Variants in CMTM6 observed in about 807,000 individuals in gnomAD.
CMTM6 encodes CKLF-like MARVEL transmembrane domain-containing protein 6.
A neutral mutation model predicts 13.6 loss-of-function variants in CMTM6; 5 were observed. The ratio of observed to expected loss-of-function variants is 0.37; its 90% confidence interval spans 0.19 to 0.77. The LOEUF (loss-of-function observed/expected upper bound fraction) is 0.77, where lower values mean the gene tolerates loss of function less well. Ranked by LOEUF, CMTM6 falls within the 30% of genes least tolerant of loss-of-function variation. The probability of loss-of-function intolerance (pLI) is 0.50; values close to 1 mark genes in which losing one functional copy is unlikely to be tolerated. For synonymous variants in CMTM6, 99 were observed against 84.5 expected, an observed-to-expected ratio of 1.17 and a Z score of -0.94; for missense variants, 196 against 218.6, an observed-to-expected ratio of 0.90 and a Z score of 0.65.
At chr3:32,502,297 C>T (rs1484896124) in intron 1 of CMTM6, among the ~76,000 whole-genome samples, 1 of 152,192 alleles carries the variant, frequency 6.6e-6, no homozygotes, top group Admixed American at 6.5e-5. Context: ...AGGAAAGTCG[C>T]CATAGAGGAT....
intron 3 of CMTM6, among the ~76,000 whole-genome samples, chr3:32,484,553 A>G (rs1388472123): frequency 6.6e-6 from 1 of 152,254 alleles, no homozygotes; most frequent in Non-Finnish European, 1.5e-5. Flanking sequence ...TGAAGATACT[A>G]TTAGGTTAAA....
chr3:32,488,768 T>C (rs1397733857), intron 2 of CMTM6, among the ~76,000 whole-genome samples: 1 of 152,230 alleles, frequency 6.6e-6, no homozygotes, highest in African/African-American at 2.4e-5. Flanking sequence ...CTTATCATAA[T>C]GCAGCTTACA....
intron 2 of CMTM6, chr3:32,488,271 A>T (rs342765): frequency 0.56 from 163,180 of 289,514 alleles, 48,282 homozygotes; most frequent in African/African-American, 0.76. Flanking sequence ...TACAAGATAA[A>T]CTTTTAATAA....
At chr3:32,490,948 T>C (rs1324194808) in intron 2 of CMTM6, among the ~76,000 whole-genome samples, 1 of 152,186 alleles carries the variant, frequency 6.6e-6, no homozygotes, top group African/African-American at 2.4e-5. Flanking sequence ...CATATTAATC[T>C]GTAAAAAAGA....
chr3:32,495,576 C>T (rs1277277249), intron 1 of CMTM6, among the ~76,000 whole-genome samples: 2 of 152,150 alleles, frequency 1.3e-5, no homozygotes, highest in Non-Finnish European at 2.9e-5. Context: ...GAGAAGATAC[C>T]AGCCTAAAAC....
rs1486226693 is a variant in CMTM6, at chr3:32,483,918, T to G, written c.*42A>C. ...TTCTGCCAGGGCTCAGGCACCACAA[T>G]GCAGGGTCACTACCTTAGGTAACAT... On this transcript the variant is annotated 3_prime_UTR_variant, in exon 4 of 4. Coordinates refer to ENST00000205636, the MANE Select transcript of CMTM6 (RefSeq NM_017801.3). The G allele has an allele frequency of 6.6e-7, 1 of 1,520,012 alleles. No homozygotes were observed. The highest frequency in any genetic ancestry group is 1.3e-5 in the South Asian group (1 of 76,042). The allele number at this position is 1,520,012 out of a possible 1,614,324, so 94.2% of individuals were successfully genotyped here.
chr3:32,494,237 C>G (rs909350414), intron 1 of CMTM6, among the ~76,000 whole-genome samples: 12 of 152,214 alleles, frequency 7.9e-5, no homozygotes, highest in African/African-American at 9.6e-5. Context: ...TTTGTGGAAG[C>G]TGAGGGAATT....
At chr3:32,501,188 CAAAAA>C (rs545695553) in intron 1 of CMTM6, among the ~76,000 whole-genome samples, 4 of 58,402 alleles carry the variant, frequency 6.8e-5, no homozygotes, top group East Asian at 8.1e-4. Context: ...GACTCGGTCT[CAAAAA>C]AAAAAAAAAA....
At chr3:32,485,964 G>A (rs1027787917) in intron 3 of CMTM6, among the ~76,000 whole-genome samples, 2 of 152,132 alleles carry the variant, frequency 1.3e-5, no homozygotes, top group South Asian at 2.1e-4. Context: ...TGCAACCTCC[G>A]CCTCCTCGGT....
At chr3:32,485,248 C>T (rs1416610565) in intron 3 of CMTM6, among the ~76,000 whole-genome samples, 1 of 151,682 alleles carries the variant, frequency 6.6e-6, no homozygotes, top group Admixed American at 6.6e-5. Context: ...AAAAGAACTT[C>T]CTCATGCATT....
intron 1 of CMTM6, among the ~76,000 whole-genome samples, chr3:32,498,792 A>C (rs555322886): frequency 6.6e-6 from 1 of 151,564 alleles, no homozygotes; most frequent in Non-Finnish European, 1.5e-5. Flanking sequence ...GTTGGCCAGG[A>C]TGGTCTCTAT....
rs1257576909 is a variant in CMTM6, at chr3:32,491,839, A to G, written c.186T>C (p.Cys62=). Residue 62 remains cysteine, a synonymous_variant, in exon 2 of 4, where the codon TGT becomes TGC. Transcript: ENST00000205636. The part of the protein sequence containing the change: ...AFICEEVVSQ[C]TLCGGLYFFE... ...AAAAATAAAGTCCTCCACATAAAGT[A>G]CATTGTGATACAACTTCTTCACAGA... 3 of 1,613,096 alleles carry G rather than the reference A, an allele frequency of 1.9e-6. No homozygotes were observed. The highest frequency in any genetic ancestry group is 2.2e-5 in the East Asian group (1 of 44,868).
intron 1 of CMTM6, among the ~76,000 whole-genome samples, chr3:32,501,208 G>A (rs80139989): frequency 7.1e-6 from 1 of 140,230 alleles, no homozygotes; most frequent in Non-Finnish European, 1.5e-5. Context: ...AAAAAAAAAA[G>A]CTTCAGATGA....
intron 1 of CMTM6, among the ~76,000 whole-genome samples, chr3:32,495,134 T>C (rs544115448): frequency 6.6e-6 from 1 of 152,286 alleles, no homozygotes; most frequent in African/African-American, 2.4e-5. Context: ...CTACTGGCTA[T>C]ACAAAATGTA....
At chr3:32,492,517 C>T (rs1419322781) in intron 1 of CMTM6, among the ~76,000 whole-genome samples, 1 of 152,140 alleles carries the variant, frequency 6.6e-6, no homozygotes, top group Non-Finnish European at 1.5e-5. Context: ...TGACAATGAT[C>T]AGGTGTATGC....
chr3:32,500,105 A>G (rs946857826), intron 1 of CMTM6, among the ~76,000 whole-genome samples: 7 of 152,230 alleles, frequency 4.6e-5, no homozygotes, highest in Admixed American at 1.3e-4. Flanking sequence ...TAAGTGTACA[A>G]TATTTTGAAT....
chr3:32,491,984 C>G, intron 1 of CMTM6, 98 bp from the exon 2 acceptor site: 1 of 1,022,422 alleles, frequency 9.8e-7, no homozygotes, highest in Non-Finnish European at 1.4e-6. Flanking sequence ...CAAATATTTA[C>G]AATGAGGAGA....
At chr3:32,500,861 G>C (rs1369679236) in intron 1 of CMTM6, among the ~76,000 whole-genome samples, 1 of 152,156 alleles carries the variant, frequency 6.6e-6, no homozygotes, top group Non-Finnish European at 1.5e-5. Flanking sequence ...GATTTTGTGG[G>C]CAGCAAACCA....
intron 3 of CMTM6, among the ~76,000 whole-genome samples, chr3:32,486,169 C>T (rs1479836624): frequency 6.6e-6 from 1 of 152,200 alleles, no homozygotes; most frequent in Non-Finnish European, 1.5e-5. Context: ...GACCCACCAC[C>T]CACCACGCCC....
Sources: allele counts gnomAD v4.1 joint callset (sites outside exome capture counted in the v4.1 genomes callset), GRCh38; gene constraint gnomAD v4.1.1; transcripts MANE v1.5; gene names NCBI Gene and HGNC (gene_info 2026-07-23, HGNC 2026-07-21).